SEPTIN10: variants seen among roughly 807,000 people sequenced by gnomAD.
SEPTIN10 encodes septin-10.
A neutral mutation model predicts 54.8 loss-of-function variants in SEPTIN10; 66 were observed. That is an observed-to-expected ratio of 1.21 (90% CI 0.99 to 1.48). The LOEUF (loss-of-function observed/expected upper bound fraction) is 1.48, where lower values mean the gene tolerates loss of function less well. Ranked by LOEUF, SEPTIN10 falls within the 40% of genes most tolerant of loss-of-function variation. SEPTIN10 has a pLI of 0.00. For synonymous variants in SEPTIN10, 161 were observed against 181.0 expected (o/e 0.89, Z 0.89); for missense variants, 620 against 545.6 (o/e 1.14, Z -1.36).
At chr2:109,557,848 TTTC>T (rs1684738791) in intron 8 of SEPTIN10, among the ~76,000 whole-genome samples, 1 of 141,494 alleles carries the variant, frequency 7.1e-6, no homozygotes, top group Non-Finnish European at 1.6e-5. Flanking sequence ...CTGTCATAAT[TTTC>T]TTTTTTTTTT....
chr2:109,546,767 C>A (rs1444755393), intron 9 of SEPTIN10, among the ~76,000 whole-genome samples: 1 of 151,796 alleles, frequency 6.6e-6, no homozygotes, highest in Non-Finnish European at 1.5e-5. Flanking sequence ...CTTTCAATGT[C>A]CTGAGATCTA....
intron 1 of SEPTIN10, among the ~76,000 whole-genome samples, chr2:109,609,453 C>T (rs1442245479): frequency 6.6e-6 from 1 of 151,848 alleles, no homozygotes; most frequent in Admixed American, 6.6e-5. Flanking sequence ...GGAGGTACTG[C>T]AAGGTAGCAT....
chr2:109,583,935 A>T (rs1163700877), intron 4 of SEPTIN10, among the ~76,000 whole-genome samples: 1 of 152,188 alleles, frequency 6.6e-6, no homozygotes, highest in East Asian at 1.9e-4. Flanking sequence ...GTGGGATCTA[A>T]ACATTGGGTA....
chr2:109,569,731 A>G (rs1382833869), intron 5 of SEPTIN10, among the ~76,000 whole-genome samples: 1 of 152,190 alleles, frequency 6.6e-6, no homozygotes, highest in African/African-American at 2.4e-5. Flanking sequence ...ATAACTTATA[A>G]TTGCTTGCAC....
intron 6 of SEPTIN10, among the ~76,000 whole-genome samples, chr2:109,566,272 C>A (rs1263590027): frequency 6.6e-6 from 1 of 151,926 alleles, no homozygotes; most frequent in Non-Finnish European, 1.5e-5. Flanking sequence ...AGTTGCCCAC[C>A]ACAACATCCA....
At position 109,574,708 on chromosome 2, in the gene SEPTIN10, A is replaced by G; in HGVS notation, c.473T>C (p.Leu158Pro). Residue 158 changes from leucine (L) to proline (P), a missense_variant, in exon 5 of 11, where the codon CTG becomes CCG. Leu to Pro is a moderately conservative substitution (Grantham distance 98). Coordinates refer to ENST00000397712, the MANE Select transcript of SEPTIN10 (RefSeq NM_144710.5). Reference protein sequence around the residue: ...AQFEAYLQEELKIKRSLFTYH... With the variant: ...AQFEAYLQEEPKIKRSLFTYH... ...GGTAAAGAGAGAACGCTTAATCTTC[A>G]GTTCTTCTTGGAGATAGGCCTCAAA... 6 of 1,607,214 alleles carry G rather than the reference A, an allele frequency of 3.7e-6. No homozygotes were observed. Among genetic ancestry groups the G allele is most frequent in the Middle Eastern group, 1.7e-4 (1 of 6,040 alleles).
At chr2:109,574,863 T>C (rs970657387) in intron 4 of SEPTIN10, 96 bp from the exon 5 acceptor site, 1 of 800,694 alleles carries the variant, frequency 1.2e-6, no homozygotes, top group Non-Finnish European at 1.8e-6. Flanking sequence ...TTTTCACTAA[T>C]TAATAAACAG....
At chr2:109,587,397 T>C (rs1692806749) in intron 2 of SEPTIN10, among the ~76,000 whole-genome samples, 1 of 151,738 alleles carries the variant, frequency 6.6e-6, no homozygotes, top group Non-Finnish European at 1.5e-5. Flanking sequence ...TGATCTAACA[T>C]ACCAGTAATT....
intron 7 of SEPTIN10, among the ~76,000 whole-genome samples, chr2:109,564,916 T>C (rs1393563912): frequency 6.6e-6 from 1 of 152,204 alleles, no homozygotes; most frequent in Non-Finnish European, 1.5e-5. Context: ...GTAATATTAG[T>C]TCACTAAAAC....
In SEPTIN10 at chr2:109,567,996, A is replaced by AGGCCGGGCGCGGTGG; in HGVS notation, c.601-21_601-20insCCACCGCGCCCGGCC. On this transcript the variant is annotated intron_variant, in intron 5 of 10. Coordinates refer to ENST00000397712, the MANE Select transcript of SEPTIN10 (RefSeq NM_144710.5). ...GTTTACCTATTAAGAATAAAGAAAA[A>AGGCCGGGCGCGGTGG]CAAAATCTTACTGAGGATTTTTTTT... 6.5e-7 allele frequency: 1 copy of AGGCCGGGCGCGGTGG among 1,545,818 alleles called. No homozygotes were observed. Among genetic ancestry groups the AGGCCGGGCGCGGTGG allele is most frequent in the Non-Finnish European group, 8.7e-7 (1 of 1,143,992 alleles).
In SEPTIN10 at chr2:109,565,808, T is replaced by G; in HGVS notation, c.814A>C (p.Asn272His). 6.2e-7 allele frequency: 1 copy of G among 1,614,154 alleles called. No individual in the cohort carries two copies. The highest frequency in any genetic ancestry group is 8.5e-7 in the Non-Finnish European group (1 of 1,180,022). The change falls in exon 7 of 11, where the codon AAC becomes CAC. Residue 272 changes from asparagine (N) to histidine (H), a missense_variant. Coordinates refer to ENST00000397712, the MANE Select transcript of SEPTIN10 (RefSeq NM_144710.5). ...TACTGGCGAGCTTTGACCATCTTGT[T>G]TCCGACTTTTACCTCATCCATACTT... is the stretch of plus-strand genomic sequence containing the variant. The part of the protein sequence containing the change: ...VGSMDEVKVG[N>H]KMVKARQYPW...
intron 4 of SEPTIN10, among the ~76,000 whole-genome samples, chr2:109,578,616 A>C (rs1472809167): frequency 6.6e-6 from 1 of 151,976 alleles, no homozygotes; most frequent in Non-Finnish European, 1.5e-5. Context: ...AAAATACAAA[A>C]ATTAGCTCGG....
intron 5 of SEPTIN10, among the ~76,000 whole-genome samples, chr2:109,571,937 G>A (rs1430167289): frequency 6.6e-6 from 1 of 152,134 alleles, no homozygotes; most frequent in East Asian, 1.9e-4. Context: ...TGGTTGGGTT[G>A]GCCAGTTACC....
rs145731709 is a variant in SEPTIN10 at position 109,599,963 on chromosome 2, G to A, written c.31-6844C>T. On this transcript the variant is annotated intron_variant, in intron 1 of 10. Coordinates refer to ENST00000397712, the MANE Select transcript of SEPTIN10 (RefSeq NM_144710.5). ...CCTCTCATGGCAGCCAAACAGGTGC[G>A]CCATTCTGATTCTCCCTTCAAGCAA... Among the ~76,000 whole-genome samples the A allele has an allele frequency of 2.9e-3, 448 of 152,200 alleles. 2 individuals are homozygous for A. Among genetic ancestry groups the A allele is most frequent in the South Asian group, 0.022 (106 of 4,816 alleles).
At chr2:109,607,961 G>C (rs984168906) in intron 1 of SEPTIN10, among the ~76,000 whole-genome samples, 21 of 152,180 alleles carry the variant, frequency 1.4e-4, no homozygotes, top group African/African-American at 5.1e-4. Flanking sequence ...TGAAGATTAT[G>C]CTGGAGATGG....
In SEPTIN10 at chr2:109,567,963, G is replaced by A. The variant is rs1687452272; in HGVS notation, c.614C>T (p.Pro205Leu). Residue 205 changes from proline (P) to leucine (L), a missense_variant, in exon 6 of 11, where the codon CCA becomes CTA. Physicochemically the swap from Pro to Leu is moderately conservative, Grantham distance 98 (BLOSUM62 -3). Transcript: ENST00000397712. ...AACCGTATCTGCTTTGGCAATCACT[G>A]GTATAATGTTTACCTATTAAGAATA... ...KNLDSKVNII[P>L]VIAKADTVSK... The A allele has an allele frequency of 1.2e-6, 2 of 1,602,522 alleles. No individual in the cohort carries two copies. Among genetic ancestry groups the A allele is most frequent in the Non-Finnish European group, 1.7e-6 (2 of 1,176,142 alleles).
chr2:109,548,388 T>G (rs1681879986), intron 9 of SEPTIN10, among the ~76,000 whole-genome samples: 1 of 152,180 alleles, frequency 6.6e-6, no homozygotes, highest in South Asian at 2.1e-4. Flanking sequence ...ACTTGGTGTC[T>G]AGAAAAAGAC....
intron 3 of SEPTIN10, 50 bp downstream of exon 3, chr2:109,585,671 G>T: frequency 8.2e-7 from 1 of 1,224,858 alleles, no homozygotes; most frequent in Non-Finnish European, 1.2e-6. Flanking sequence ...AATGAAGTGA[G>T]CACAAGGAAT....
Position 109,544,153 on chromosome 2 carries a change from A to T in SEPTIN10, c.*156T>A, listed in dbSNP as rs1285522286. 3 of 1,554,542 alleles carry T rather than the reference A, an allele frequency of 1.9e-6. No homozygotes were observed. The highest frequency in any genetic ancestry group is 2.6e-6 in the Non-Finnish European group (3 of 1,152,330). On this transcript the variant is annotated 3_prime_UTR_variant, in exon 11 of 11. Transcript: ENST00000397712. ...ACTCTGGCTTATGTATTGACCTTGT[A>T]CTTGAAAGTACTTTTCCATAAATAT... is the stretch of plus-strand genomic sequence containing the variant.
Sources: gnomAD v4.1 joint callset for allele counts (sites outside exome capture counted in the v4.1 genomes callset) on GRCh38, gnomAD v4.1.1 for gene constraint, MANE v1.5 for transcripts, NCBI Gene and HGNC (gene_info 2026-07-23, HGNC 2026-07-21) for gene names.